Variants in PRMT8 observed in about 807,000 individuals in gnomAD.
PRMT8 encodes protein arginine methyltransferase 8.
In PRMT8, 7 loss-of-function variants were observed where a neutral mutation model predicts 47.1. That is an observed-to-expected ratio of 0.15 (90% CI 0.08 to 0.28). The LOEUF is 0.28. PRMT8 is among the 10% of genes least tolerant of loss of function. The pLI, the probability that PRMT8 is intolerant of heterozygous loss-of-function variation, is 1.00. For missense variants in PRMT8, 237 were observed against 505.4 expected (o/e 0.47, Z 5.09); for synonymous variants, 188 against 186.5 (o/e 1.01, Z -0.07).
intron 4 of PRMT8, among the ~76,000 whole-genome samples, chr12:3,558,964 A>ATCTATCTATCTATCTG (rs1866581012): frequency 7.1e-6 from 1 of 140,880 alleles, no homozygotes; most frequent in Non-Finnish European, 1.5e-5. Flanking sequence ...CTATCTACCT[A>ATCTATCTATCTATCTG]TCTATCTATC....
intron 1 of PRMT8, among the ~76,000 whole-genome samples, chr12:3,387,090 T>C (rs1033539595): frequency 6.6e-6 from 1 of 152,176 alleles, no homozygotes; most frequent in African/African-American, 2.4e-5. Context: ...ATTGCTCTTT[T>C]TGCATCCCAA....
chr12:3,550,034 T>C lies in PRMT8; in HGVS notation c.360T>C (p.Ser120=). ...ACAAAGTGGTACTGGATGTGGGGAG[T>C]GGTACTGGGATCCTTTCCATGTTCG... ...FKDKVVLDVG[S]GTGILSMFAA... Residue 120 remains serine, a synonymous_variant, in exon 3 of 10, where the codon AGT becomes AGC. Transcript: ENST00000382622. This position sits in a 1 kb window ranked among gnomAD's most constrained non-coding sequence, Gnocchi z 5.1. 2 of 1,613,680 alleles carry C rather than the reference T, an allele frequency of 1.2e-6. No homozygotes were observed. Among genetic ancestry groups the C allele is most frequent in the Non-Finnish European group, 1.7e-6 (2 of 1,179,936 alleles).
rs35855558 is a variant in PRMT8, at chr12:3,508,145, A to AT, written c.75+16452dup. 0.023 allele frequency among the ~76,000 whole-genome samples: 3,476 copies of AT among 152,090 alleles called. 139 individuals carry two copies. Among genetic ancestry groups the AT allele is most frequent in the African/African-American group, 0.079 (3,266 of 41,456 alleles). On this transcript the variant is annotated intron_variant, in intron 1 of 9. Coordinates refer to ENST00000382622, the MANE Select transcript of PRMT8 (RefSeq NM_019854.5). This position sits in a 1 kb window ranked among gnomAD's most constrained non-coding sequence, Gnocchi z 4.9. ...TTTTTCTTACTGTTACAACTTTAAG[A>AT]TTTTTTTCTGCCCAGTTGTTGTTTC...
At chr12:3,451,848 A>T (rs867830985) in intron 1 of PRMT8, among the ~76,000 whole-genome samples, 88 of 152,322 alleles carry the variant, frequency 5.8e-4, no homozygotes, top group African/African-American at 2.1e-3. Flanking sequence ...TTCCAGTCAT[A>T]TCCTTGATCC....
Position 3,583,050 on chromosome 12 carries a change from G to C in PRMT8, c.829-8G>C. ...AGTTCCCGGCATTCTCTCTTCTCTG[G>C]GCTGCAGGAGGTGGACATTTACACA... On this transcript the variant is annotated splice_region_variant and splice_polypyrimidine_tract_variant and intron_variant, in intron 7 of 9. Coordinates refer to ENST00000382622, the MANE Select transcript of PRMT8 (RefSeq NM_019854.5). The surrounding 1 kb of genome is among the most constrained non-coding windows in gnomAD (Gnocchi z 4.7). The C allele has an allele frequency of 1.2e-6, 2 of 1,612,228 alleles. No homozygotes were observed. Among genetic ancestry groups the C allele is most frequent in the Non-Finnish European group, 1.7e-6 (2 of 1,179,278 alleles).
intron 1 of PRMT8, among the ~76,000 whole-genome samples, chr12:3,412,250 T>A (rs1864438476): frequency 6.6e-6 from 1 of 152,144 alleles, no homozygotes; most frequent in Non-Finnish European, 1.5e-5. Flanking sequence ...ACAGTGAAAA[T>A]ATGGTATAAA....
At chr12:3,522,470 C>T (rs1865893781) in intron 1 of PRMT8, among the ~76,000 whole-genome samples, 1 of 152,124 alleles carries the variant, frequency 6.6e-6, no homozygotes, top group South Asian at 2.1e-4. Context: ...TCGAGACCAG[C>T]CTGGCCAAGA....
At chr12:3,401,291 A>C (rs1021354043) in intron 1 of PRMT8, among the ~76,000 whole-genome samples, 1 of 152,130 alleles carries the variant, frequency 6.6e-6, no homozygotes, top group Admixed American at 6.6e-5. Flanking sequence ...CATGTTAAAA[A>C]CTCTCAATAA....
intron 1 of PRMT8, among the ~76,000 whole-genome samples, chr12:3,466,958 C>G (rs950578519): frequency 6.6e-6 from 1 of 152,144 alleles, no homozygotes; most frequent in Admixed American, 6.5e-5. Context: ...TCAGAGATGA[C>G]TGGGCGCGGT....
At position 3,569,618 on chromosome 12, in the gene PRMT8, G is replaced by A. The variant is rs1404306494; in HGVS notation, c.712+54G>A. On this transcript the variant is annotated intron_variant, in intron 6 of 9. Coordinates refer to ENST00000382622, the MANE Select transcript of PRMT8 (RefSeq NM_019854.5). This position sits in a 1 kb window ranked among gnomAD's most constrained non-coding sequence, Gnocchi z 8.2. ...CTTCCACTGCACAATTGGGGTGGGA[G>A]GCACTCCAGTGGGCCCGAGATGAGC... The A allele has an allele frequency of 2.7e-6, 4 of 1,460,434 alleles. No individual in the cohort carries two copies. The highest frequency in any genetic ancestry group is 3.8e-6 in the Non-Finnish European group (4 of 1,040,030). 90.5% of individuals were successfully genotyped at this position (1,460,434 alleles called of 1,614,324 possible).
intron 1 of PRMT8, among the ~76,000 whole-genome samples, chr12:3,525,418 A>T (rs557582518): frequency 6.6e-6 from 1 of 151,958 alleles, no homozygotes; most frequent in South Asian, 2.1e-4. Context: ...AAAGTTTAGA[A>T]CTCTGGAGCA....
intron 1 of PRMT8, among the ~76,000 whole-genome samples, chr12:3,468,474 G>A (rs937424211): frequency 6.6e-6 from 1 of 152,170 alleles, no homozygotes; most frequent in Non-Finnish European, 1.5e-5. Context: ...TTGTGTATGT[G>A]CAACAGAACA....
chr12:3,429,164 A>G (rs1228479157), intron 1 of PRMT8, among the ~76,000 whole-genome samples: 1 of 152,056 alleles, frequency 6.6e-6, no homozygotes, highest in Non-Finnish European at 1.5e-5. Context: ...GATGTCTAAA[A>G]CCAGCTGTAA....
At chr12:3,545,909 C>T (rs1358289854) in intron 2 of PRMT8, among the ~76,000 whole-genome samples, 1 of 152,170 alleles carries the variant, frequency 6.6e-6, no homozygotes, top group East Asian at 1.9e-4. Flanking sequence ...CTACAGAAGA[C>T]ATGTTATTTT....
chr12:3,540,613 G>GCCCCCCCCCCCCCCCCCCCCCCCCCCCC lies in PRMT8; in HGVS notation c.90_91insCCCCCCCCCCCCCCCCCCCCCCCCCCCC (p.Ser31ProfsTer20). On this transcript the variant is annotated frameshift_variant, in exon 2 of 10. Coordinates refer to ENST00000382622, the MANE Select transcript of PRMT8 (RefSeq NM_019854.5). LOFTEE classifies it high-confidence loss of function. ...CCCTTCTCTTCCCCTCAGGTGAACAGCCCCCCCTCCCAGCCCCCCCAGCCC... is the reference window on the plus strand; with the variant it reads ...CCCTTCTCTTCCCCTCAGGTGAACAGCCCCCCCCCCCCCCCCCCCCCCCCCCCCCCCCCCCTCCCAGCCCCCCCAGCCC... 8.8e-7 allele frequency: 1 copy of GCCCCCCCCCCCCCCCCCCCCCCCCCCCC among 1,130,520 alleles called. No homozygotes were observed. Among genetic ancestry groups the GCCCCCCCCCCCCCCCCCCCCCCCCCCCC allele is most frequent in the Non-Finnish European group, 1.3e-6 (1 of 752,490 alleles). The allele number at this position is 1,130,520 out of a possible 1,614,324, so 70.0% of individuals were successfully genotyped here. A position where few individuals can be genotyped will look rare whatever the true frequency, so the allele number is the denominator to read the frequency against.
chr12:3,415,803 C>T (rs1864477608), intron 1 of PRMT8, among the ~76,000 whole-genome samples: 1 of 152,214 alleles, frequency 6.6e-6, no homozygotes, highest in Non-Finnish European at 1.5e-5. Flanking sequence ...CTCAGGAGGC[C>T]ACATGGCTTG....
rs991995364 is a variant in PRMT8, at chr12:3,572,026, C to A, written c.712+2462C>A. On this transcript the variant is annotated intron_variant, in intron 6 of 9. Transcript: ENST00000382622. This position sits in a 1 kb window ranked among gnomAD's most constrained non-coding sequence, Gnocchi z 5.9. ...AGTTGTTAGAGGGAGAGCTTTCTTT[C>A]CTTTCCTCTCCTTTCCTTTTCTTTT... is the stretch of plus-strand genomic sequence containing the variant. Among the ~76,000 whole-genome samples, 2 of 152,128 alleles carry A rather than the reference C, an allele frequency of 1.3e-5. No homozygotes were observed. The highest frequency in any genetic ancestry group is 4.8e-5 in the African/African-American group (2 of 41,418).
intron 1 of PRMT8, among the ~76,000 whole-genome samples, chr12:3,532,812 A>G (rs1407909043): frequency 6.6e-6 from 1 of 152,080 alleles, no homozygotes; most frequent in Non-Finnish European, 1.5e-5. Context: ...TTTCTGATTC[A>G]TTGGTTTCTG....
Position 3,514,211 on chromosome 12 carries a change from C to CT in PRMT8, c.75+22525dup, listed in dbSNP as rs377360240. On this transcript the variant is annotated intron_variant, in intron 1 of 9. Coordinates refer to ENST00000382622, the MANE Select transcript of PRMT8 (RefSeq NM_019854.5). This position sits in a 1 kb window ranked among gnomAD's most constrained non-coding sequence, Gnocchi z 5.9. ...TCTAGCCTCTCTGAATTCATCCTGC[C>CT]TTTTTTTTTTTTTTCTGTTACCCCT... Among the ~76,000 whole-genome samples the CT allele has an allele frequency of 0.015, 2,181 of 141,704 alleles. 22 individuals are homozygous for CT. Among genetic ancestry groups the CT allele is most frequent in the African/African-American group, 0.021 (795 of 38,704 alleles). The allele number at this position is 141,704 out of a possible 152,430, so 93.0% of individuals were successfully genotyped here. A position where few individuals can be genotyped will look rare whatever the true frequency, so the allele number is the denominator to read the frequency against.
Sources: gnomAD v4.1 joint callset for allele counts (sites outside exome capture counted in the v4.1 genomes callset) on GRCh38, gnomAD v4.1.1 for gene constraint, Gnocchi (gnomAD v3.1) non-coding constraint, MANE v1.5 for transcripts, NCBI Gene and HGNC (gene_info 2026-07-23, HGNC 2026-07-21) for gene names.